Variants in LAMA2 observed in about 807,000 individuals in gnomAD.
The protein encoded by LAMA2 is laminin subunit alpha 2.
In LAMA2, 269 loss-of-function variants were observed where a neutral mutation model predicts 364.8. The observed-to-expected ratio is 0.74, with a 90% CI of 0.67 to 0.82. LAMA2 has a LOEUF of 0.82. LAMA2 is among the 40% of genes least tolerant of loss of function. LAMA2 has a pLI of 0.00. For synonymous variants in LAMA2, 1,379 were observed against 1,370.6 expected (o/e 1.01, Z -0.14); for missense variants, 3,807 against 3,873.2 (o/e 0.98, Z 0.45).
chr6:129,111,914 G>A (rs978670530), intron 4 of LAMA2, among the ~76,000 whole-genome samples: 1 of 151,974 alleles, frequency 6.6e-6, no homozygotes, highest in African/African-American at 2.4e-5. Flanking sequence ...GTGGTATACA[G>A]GTTACCAGTA....
At chr6:129,176,326 A>C (rs1402213277) in intron 9 of LAMA2, among the ~76,000 whole-genome samples, 1 of 151,956 alleles carries the variant, frequency 6.6e-6, no homozygotes, top group Non-Finnish European at 1.5e-5. Flanking sequence ...TAAAAGTAGT[A>C]ATTTATGTTA....
intron 1 of LAMA2, among the ~76,000 whole-genome samples, chr6:128,994,233 G>A (rs1169555312): frequency 2.6e-5 from 4 of 152,186 alleles, no homozygotes; most frequent in Non-Finnish European, 5.9e-5. Flanking sequence ...GTATTTGGGG[G>A]TATACATTAT....
At chr6:129,440,350 T>C (rs985936086) in intron 42 of LAMA2, among the ~76,000 whole-genome samples, 6 of 151,632 alleles carry the variant, frequency 4.0e-5, no homozygotes, top group Non-Finnish European at 7.4e-5. Context: ...AAATTTCCAA[T>C]GCTGAAAACA....
intron 10 of LAMA2, among the ~76,000 whole-genome samples, chr6:129,179,952 T>C (rs1306928505): frequency 6.6e-6 from 1 of 152,170 alleles, no homozygotes; most frequent in Non-Finnish European, 1.5e-5. Flanking sequence ...TACAATTAAG[T>C]GCCTACAGTC....
intron 1 of LAMA2, among the ~76,000 whole-genome samples, chr6:128,904,159 T>G (rs1191989504): frequency 2.0e-5 from 3 of 152,168 alleles, no homozygotes; most frequent in African/African-American, 7.2e-5. Flanking sequence ...CTAGGTCTTG[T>G]GCACCTCCTC....
chr6:129,300,286 G>C (rs1028332780), intron 21 of LAMA2, among the ~76,000 whole-genome samples: 2 of 152,116 alleles, frequency 1.3e-5, no homozygotes, highest in South Asian at 4.1e-4. Context: ...CCGAATTTAA[G>C]AAGCTTATTA....
At chr6:129,120,223 G>A (rs755952041) in intron 4 of LAMA2, among the ~76,000 whole-genome samples, 4 of 152,112 alleles carry the variant, frequency 2.6e-5, no homozygotes, top group African/African-American at 4.8e-5. Flanking sequence ...CACAATATGC[G>A]TGAGTCATCA....
chr6:129,013,878 G>T (rs539284673), intron 1 of LAMA2, among the ~76,000 whole-genome samples: 2 of 152,110 alleles, frequency 1.3e-5, no homozygotes, highest in Non-Finnish European at 2.9e-5. Context: ...CATTATAATG[G>T]CAGCTTGGAT....
rs35249760 is a variant in LAMA2, at chr6:129,511,261, CT to C, written c.8858-1094del. Among the ~76,000 whole-genome samples, 1,300 of 151,926 alleles carry C rather than the reference CT, an allele frequency of 8.6e-3. 24 individuals carry two copies. Among genetic ancestry groups the C allele is most frequent in the African/African-American group, 0.029 (1,219 of 41,446 alleles). On this transcript the variant is annotated intron_variant, in intron 62 of 64. Transcript: ENST00000421865. ...TTTTCCAGCGACCCAATCACTGGGG[CT>C]TTTTTTTGGCCTCTTCATTCCTTCT...
chr6:128,913,361 G>A (rs1336727719), intron 1 of LAMA2, among the ~76,000 whole-genome samples: 1 of 151,906 alleles, frequency 6.6e-6, no homozygotes, highest in African/African-American at 2.4e-5. Flanking sequence ...TTATTTATTC[G>A]ACTGGTGTAC....
intron 12 of LAMA2, among the ~76,000 whole-genome samples, chr6:129,209,597 G>T (rs1392391112): frequency 2.0e-5 from 3 of 152,138 alleles, no homozygotes; most frequent in Admixed American, 2.0e-4. Context: ...AGGTTAAGGG[G>T]TTCAGCAAAA....
intron 7 of LAMA2, among the ~76,000 whole-genome samples, chr6:129,151,857 C>G (rs1258884624): frequency 6.6e-6 from 1 of 152,066 alleles, no homozygotes; most frequent in Non-Finnish European, 1.5e-5. Context: ...GACACAGAGC[C>G]AAACCATATC....
chr6:129,090,737 G>A (rs530490859), intron 3 of LAMA2, among the ~76,000 whole-genome samples: 4 of 152,010 alleles, frequency 2.6e-5, no homozygotes, highest in Non-Finnish European at 5.9e-5. Context: ...CATATTTTTG[G>A]CACAACCACT....
chr6:129,406,067 A>C (rs1342561963), intron 40 of LAMA2, among the ~76,000 whole-genome samples: 2 of 152,176 alleles, frequency 1.3e-5, no homozygotes, highest in Non-Finnish European at 1.5e-5. Context: ...GAGGTCAGAC[A>C]ATTTGAGAAG....
At chr6:129,167,654 TAC>T (rs1779846789) in intron 9 of LAMA2, among the ~76,000 whole-genome samples, 1 of 152,180 alleles carries the variant, frequency 6.6e-6, no homozygotes, top group Non-Finnish European at 1.5e-5. Context: ...CAGCATGATT[TAC>T]AGTCCTTTGG....
At chr6:128,923,850 G>A (rs993219306) in intron 1 of LAMA2, among the ~76,000 whole-genome samples, 3 of 152,056 alleles carry the variant, frequency 2.0e-5, no homozygotes, top group South Asian at 2.1e-4. Context: ...GTTGTCCTCC[G>A]CTTATGATGT....
chr6:128,921,858 TC>T (rs1778758984), intron 1 of LAMA2, among the ~76,000 whole-genome samples: 2 of 73,798 alleles, frequency 2.7e-5, no homozygotes, highest in Admixed American at 3.3e-4. Flanking sequence ...CCCTTCCCCC[TC>T]CCCCCACCCC....
chr6:129,446,473 G>A (rs1229653062), intron 45 of LAMA2, among the ~76,000 whole-genome samples: 3 of 137,082 alleles, frequency 2.2e-5, no homozygotes, highest in Non-Finnish European at 4.7e-5. Context: ...AAGTGGCAAC[G>A]TGAAACTTTA....
At chr6:128,976,377 A>G (rs1782529464) in intron 1 of LAMA2, among the ~76,000 whole-genome samples, 1 of 152,202 alleles carries the variant, frequency 6.6e-6, no homozygotes, top group Non-Finnish European at 1.5e-5. Context: ...GTCAAAGCTC[A>G]GGGGAGAACT....
Sources: gnomAD v4.1 joint callset for allele counts (sites outside exome capture counted in the v4.1 genomes callset) on GRCh38, gnomAD v4.1.1 for gene constraint, MANE v1.5 for transcripts, NCBI Gene and HGNC (gene_info 2026-07-23, HGNC 2026-07-21) for gene names.